The following NTRK3 variants were observed in gnomAD, a reference collection of about 807,000 sequenced individuals.
NTRK3 encodes neurotrophic receptor tyrosine kinase 3.
Under a neutral mutation model 91.7 loss-of-function variants are expected in NTRK3, and 24 were observed. The observed-to-expected ratio is 0.26, with a 90% CI of 0.19 to 0.37. The LOEUF (loss-of-function observed/expected upper bound fraction) is 0.37. NTRK3 is among the 10% of genes least tolerant of loss of function. The probability of loss-of-function intolerance (pLI) is 1.00; values close to 1 mark genes in which losing one functional copy is unlikely to be tolerated. For synonymous variants in NTRK3, 483 were observed against 404.0 expected (o/e 1.20, Z -2.34); for missense variants, 880 against 1,068.9 (o/e 0.82, Z 2.46).
At chr15:88,065,026 A>G (rs2046526965) in intron 13 of NTRK3, among the ~76,000 whole-genome samples, 1 of 152,194 alleles carries the variant, frequency 6.6e-6, no homozygotes, top group Non-Finnish European at 1.5e-5. Context: ...AAGTTTTTGT[A>G]CTGAATCAAG....
intron 3 of NTRK3, among the ~76,000 whole-genome samples, chr15:88,209,535 A>G (rs1412205197): frequency 6.6e-6 from 1 of 152,220 alleles, no homozygotes; most frequent in Non-Finnish European, 1.5e-5. Context: ...CTAAAAAGCC[A>G]AACAGGTAGC....
intron 10 of NTRK3, 75 bp downstream of exon 10, chr15:88,135,026 T>TC: frequency 6.4e-7 from 1 of 1,553,152 alleles, no homozygotes; most frequent in Non-Finnish European, 8.9e-7. Flanking sequence ...GCTTCTCCTC[T>TC]CAAGCTACCA....
chr15:88,238,345 A>T (rs955314114), intron 3 of NTRK3, among the ~76,000 whole-genome samples: 4 of 152,192 alleles, frequency 2.6e-5, no homozygotes, highest in Non-Finnish European at 5.9e-5. Context: ...AGGGCTTCTA[A>T]AGTTTCATTA....
chr15:88,100,372 G>C (rs2050046409), intron 13 of NTRK3, among the ~76,000 whole-genome samples: 2 of 152,182 alleles, frequency 1.3e-5, no homozygotes, highest in Admixed American at 6.5e-5. Context: ...GCCATATGCA[G>C]AAAATACTGG....
exon 19 of NTRK3, chr15:87,860,833 G>A (rs1454307765): frequency 9.2e-6 from 2 of 216,324 alleles, no homozygotes; most frequent in Non-Finnish European, 1.9e-5. Flanking sequence ...GTATTTCTAA[G>A]TCATAAAATA....
At chr15:87,897,737 A>G (rs757196714) in intron 17 of NTRK3, among the ~76,000 whole-genome samples, 1 of 152,234 alleles carries the variant, frequency 6.6e-6, no homozygotes, top group Non-Finnish European at 1.5e-5. Context: ...AGACTTATTT[A>G]GCCAAAATAA....
Position 88,135,403 on chromosome 15 carries a change from A to T in NTRK3, c.908-6T>A. 2 of 1,612,918 alleles carry T rather than the reference A, an allele frequency of 1.2e-6. No homozygotes were observed. The highest frequency in any genetic ancestry group is 1.1e-5 in the South Asian group (1 of 90,986). On this transcript the variant is annotated splice_polypyrimidine_tract_variant and splice_region_variant and intron_variant, in intron 9 of 18. Coordinates refer to ENST00000394480, the Ensembl canonical transcript of NTRK3. ...GCTCACCACACGTGGGGGATCTGTC[A>T]AGGGAGAAGCCTGCTGAAATCCAGG...
At chr15:88,177,433 G>A (rs922729909) in intron 5 of NTRK3, among the ~76,000 whole-genome samples, 7 of 152,236 alleles carry the variant, frequency 4.6e-5, no homozygotes, top group African/African-American at 1.7e-4. Flanking sequence ...GATGGAAAGG[G>A]TAAACAAGCA....
At chr15:87,863,184 G>A (rs1265921764) in exon 19 of NTRK3, 1 of 228,948 alleles carries the variant, frequency 4.4e-6, no homozygotes, top group African/African-American at 2.2e-5. Flanking sequence ...CATTTGTTAG[G>A]AGGTCAAGAA....
chr15:88,128,994 C>A (rs901889445), intron 10 of NTRK3, among the ~76,000 whole-genome samples: 3 of 152,154 alleles, frequency 2.0e-5, no homozygotes, highest in Non-Finnish European at 4.4e-5. Context: ...AACGAGAAAC[C>A]AAACCAGGTT....
chr15:88,167,768 C>T (rs189892369), intron 5 of NTRK3, among the ~76,000 whole-genome samples: 45 of 152,200 alleles, frequency 3.0e-4, no homozygotes, highest in African/African-American at 1.0e-3. Flanking sequence ...ACTTCACAGA[C>T]GCTTTGGGAG....
Position 88,255,038 on chromosome 15 carries a change from G to A in NTRK3, c.248+868C>T, listed in dbSNP as rs889266039. Among the ~76,000 whole-genome samples, 7 of 152,162 alleles carry A rather than the reference G, an allele frequency of 4.6e-5. No homozygotes were observed. The highest frequency in any genetic ancestry group is 3.9e-4 in the Admixed American group (6 of 15,284). The stretch of plus-strand genomic sequence containing the variant: ...GAGCAGGCCACCACTGGTCTCCCTC[G>A]GAGGGGGCAGAACCAAGCAAAAGCC... On this transcript the variant is annotated intron_variant, in intron 3 of 18. Transcript: ENST00000394480. The surrounding 1 kb of genome is among the most constrained non-coding windows in gnomAD (Gnocchi z 4.3).
At chr15:87,875,308 G>C in exon 19 of NTRK3, 1 of 230,490 alleles carries the variant, frequency 4.3e-6, no homozygotes, top group East Asian at 6.2e-5. Flanking sequence ...CTCTCCAGCA[G>C]AGGAGATCTG....
chr15:88,198,488 T>C (rs1265590054), intron 3 of NTRK3, among the ~76,000 whole-genome samples: 3 of 152,140 alleles, frequency 2.0e-5, no homozygotes, highest in African/African-American at 7.2e-5. Context: ...CGCCACCCAG[T>C]CACAGTCACT....
intron 13 of NTRK3, among the ~76,000 whole-genome samples, chr15:88,067,710 T>C (rs568150970): frequency 3.3e-4 from 50 of 152,316 alleles, no homozygotes; most frequent in Non-Finnish European, 7.1e-4. Flanking sequence ...CCAAAGTTGG[T>C]AGAATCTAAA....
chr15:88,191,204 GT>G (rs2047359761), intron 3 of NTRK3, among the ~76,000 whole-genome samples: 1 of 149,372 alleles, frequency 6.7e-6, no homozygotes, highest in African/African-American at 2.5e-5. Context: ...GTGTGTGTGT[GT>G]GTGTCTTAAC....
At chr15:88,046,518 G>A (rs2080213905) in intron 13 of NTRK3, among the ~76,000 whole-genome samples, 2 of 152,148 alleles carry the variant, frequency 1.3e-5, no homozygotes, top group South Asian at 2.1e-4. Context: ...AACCAGGGGA[G>A]GACAGAGAGG....
At chr15:88,090,107 GC>G (rs2048880258) in intron 13 of NTRK3, among the ~76,000 whole-genome samples, 1 of 151,948 alleles carries the variant, frequency 6.6e-6, no homozygotes, top group African/African-American at 2.4e-5. Flanking sequence ...TGCTCGGCTT[GC>G]ACTCATTCAA....
chr15:88,078,344 G>A (rs373884578), intron 13 of NTRK3, among the ~76,000 whole-genome samples: 3 of 152,200 alleles, frequency 2.0e-5, no homozygotes, highest in East Asian at 3.8e-4. Context: ...TTCGATAATA[G>A]TAAAGTGGGG....
Sources: gnomAD v4.1 joint callset for allele counts (sites outside exome capture counted in the v4.1 genomes callset) on GRCh38, gnomAD v4.1.1 for gene constraint, Gnocchi (gnomAD v3.1) non-coding constraint, MANE v1.5 for transcripts, NCBI Gene and HGNC (gene_info 2026-07-23, HGNC 2026-07-21) for gene names.